The following MS4A13 variants were observed in gnomAD, a reference collection of about 807,000 sequenced individuals.
MS4A13 encodes membrane spanning 4-domains A13.
A neutral mutation model predicts 18.4 loss-of-function variants in MS4A13; 21 were observed. The ratio of observed to expected loss-of-function variants is 1.14; its 90% confidence interval spans 0.81 to 1.64. MS4A13 has a LOEUF of 1.64. MS4A13 is among the 40% of genes most tolerant of loss of function. The pLI, the probability that MS4A13 is intolerant of heterozygous loss-of-function variation, is 0.00. For missense variants in MS4A13, 173 were observed against 176.8 expected (o/e 0.98, Z 0.12); for synonymous variants, 62 against 57.2 (o/e 1.08, Z -0.38).
In MS4A13 at chr11:60,518,109, T is replaced by C; in HGVS notation, c.26T>C (p.Met9Thr). 6.2e-7 allele frequency: 1 copy of C among 1,605,538 alleles called. No homozygotes were observed. Among genetic ancestry groups the C allele is most frequent in the African/African-American group, 1.3e-5 (1 of 74,802 alleles). The change falls in exon 3 of 7, where the codon ATG becomes ACG. Residue 9 changes from methionine to threonine, a missense_variant. Coordinates refer to ENST00000378186, the MANE Select transcript of MS4A13 (RefSeq NM_001012417.3). Reference sequence around the variant, plus strand: ...ATGATTGGCATCTTTCACATTTTCATGTGGTACTTTCTATTGGTTTTGTAT... The same window carrying C: ...ATGATTGGCATCTTTCACATTTTCACGTGGTACTTTCTATTGGTTTTGTAT... MIGIFHIF[M>T]WYFLLVLYMG... is the part of the protein sequence containing the mutation.
At chr11:60,532,056 C>T (rs184350536) in intron 6 of MS4A13, among the ~76,000 whole-genome samples, 40 of 152,280 alleles carry the variant, frequency 2.6e-4, no homozygotes, top group Non-Finnish European at 5.1e-4. Context: ...ATAATAGTTA[C>T]CCATAGGGTT....
At chr11:60,518,034 T>C in intron 2 of MS4A13, 38 bp from the exon 3 acceptor site, 1 of 1,482,458 alleles carries the variant, frequency 6.7e-7, no homozygotes, top group South Asian at 1.3e-5. Context: ...TGTTTTAAAT[T>C]ACATTATTTC....
chr11:60,541,133 AG>A (rs138258042), intron 6 of MS4A13, among the ~76,000 whole-genome samples: 1 of 152,352 alleles, frequency 6.6e-6, no homozygotes, highest in East Asian at 1.9e-4. Flanking sequence ...CTGATAGCAA[AG>A]ATTGTAGATA....
At chr11:60,517,484 C>T (rs948232898) in intron 2 of MS4A13, among the ~76,000 whole-genome samples, 30 of 152,032 alleles carry the variant, frequency 2.0e-4, no homozygotes, top group African/African-American at 7.0e-4. Context: ...ATTCAAAATC[C>T]TTCCCCTTTC....
chr11:60,532,064 G>T (rs1234980279), intron 6 of MS4A13, among the ~76,000 whole-genome samples: 1 of 152,180 alleles, frequency 6.6e-6, no homozygotes, highest in Non-Finnish European at 1.5e-5. Context: ...TACCCATAGG[G>T]TTCAAAACAA....
At position 60,518,322 on chromosome 11, in the gene MS4A13, CT is replaced by C. The variant is rs566129943; in HGVS notation, c.129+111del. ...CAAGGTTTTCAGGAGAATTATGTAA[CT>C]AAATCCCATGTTGATAATTTATTCA... is the stretch of plus-strand genomic sequence containing the variant. On this transcript the variant is annotated intron_variant, in intron 3 of 6. Coordinates refer to ENST00000378186, the MANE Select transcript of MS4A13 (RefSeq NM_001012417.3). 1.7e-4 allele frequency: 137 copies of C among 803,742 alleles called. 3 individuals are homozygous for C. In the East Asian group the frequency reaches 3.6e-3, roughly 21 times the overall value. 49.8% of individuals were successfully genotyped at this position (803,742 alleles called of 1,614,324 possible). A position where few individuals can be genotyped will look rare whatever the true frequency, so the allele number is the denominator to read the frequency against.
chr11:60,521,845 A>G (rs2086675983), intron 3 of MS4A13, among the ~76,000 whole-genome samples: 1 of 152,160 alleles, frequency 6.6e-6, no homozygotes, highest in Non-Finnish European at 1.5e-5. Flanking sequence ...TATGCTGCTA[A>G]TAAAGACATA....
intron 6 of MS4A13, among the ~76,000 whole-genome samples, chr11:60,532,556 G>A (rs924309875): frequency 6.6e-6 from 1 of 152,188 alleles, no homozygotes; most frequent in South Asian, 2.1e-4. Context: ...TAGCACAGCA[G>A]TCTCAGATCA....
At chr11:60,542,117 GAAA>G (rs35678900) in intron 6 of MS4A13, among the ~76,000 whole-genome samples, 1 of 120,162 alleles carries the variant, frequency 8.3e-6, no homozygotes, top group African/African-American at 3.1e-5. Flanking sequence ...ACAAGACCTT[GAAA>G]AAAAAAAAAA....
At chr11:60,527,410 C>CTGTGTGTG (rs1224398821) in intron 5 of MS4A13, among the ~76,000 whole-genome samples, 288 of 28,798 alleles carry the variant, frequency 0.01, 13 homozygotes, top group South Asian at 0.018. Flanking sequence ...CTCTCTCTCT[C>CTGTGTGTG]TGTGTGTGTG....
chr11:60,521,798 C>T (rs916982152), intron 3 of MS4A13, among the ~76,000 whole-genome samples: 6 of 152,150 alleles, frequency 3.9e-5, no homozygotes, highest in African/African-American at 1.4e-4. Flanking sequence ...CAGCAGCACC[C>T]CACTCCTGGT....
chr11:60,519,902 C>A (rs2086662428), intron 3 of MS4A13, among the ~76,000 whole-genome samples: 1 of 152,068 alleles, frequency 6.6e-6, no homozygotes, highest in South Asian at 2.1e-4. Context: ...AGGGCATGAG[C>A]TAGAAAGATA....
chr11:60,527,358 TTCCGTC>T lies in MS4A13; in HGVS notation c.307-2004_307-1999del, dbSNP rs1347011401. On this transcript the variant is annotated intron_variant, in intron 5 of 6. Transcript: ENST00000378186. ...ACATCATCTGCCAGGAACTCATTCA[TTCCGTC>T]TCTCTCTCTCTCTCTCTCTCTCTCT... 1.2e-3 allele frequency among the ~76,000 whole-genome samples: 101 copies of T among 81,820 alleles called. 5 individuals carry two copies. Among genetic ancestry groups the T allele is most frequent in the South Asian group, 6.5e-3 (12 of 1,840 alleles). 53.7% of individuals were successfully genotyped at this position (81,820 alleles called of 152,430 possible).
At chr11:60,535,523 C>T (rs2086801993) in intron 6 of MS4A13, among the ~76,000 whole-genome samples, 1 of 128,294 alleles carries the variant, frequency 7.8e-6, no homozygotes, top group Non-Finnish European at 1.6e-5. Context: ...GAAATTGTGG[C>T]AATAATCAAT....
In MS4A13 at chr11:60,515,409, C is replaced by G. The variant is rs1217836441; in HGVS notation, c.-327C>G. On this transcript the variant is annotated 5_prime_UTR_variant, in exon 1 of 7. Coordinates refer to ENST00000378186, the MANE Select transcript of MS4A13 (RefSeq NM_001012417.3). ...TGCAGACCGTCACTCCCTGAGGAGC[C>G]TGAGAGCCGGCCGGGTGCTGGGCTC... 4 of 152,346 alleles carry G rather than the reference C, an allele frequency of 2.6e-5. No homozygotes were observed. The highest frequency in any genetic ancestry group is 9.6e-5 in the African/African-American group (4 of 41,480). 9.4% of individuals were successfully genotyped at this position (152,346 alleles called of 1,614,324 possible).
At chr11:60,516,499 G>C (rs1405214397) in intron 2 of MS4A13, among the ~76,000 whole-genome samples, 1 of 152,094 alleles carries the variant, frequency 6.6e-6, no homozygotes, top group Non-Finnish European at 1.5e-5. Context: ...ATTTCCACTC[G>C]TGAACTTTTC....
At chr11:60,522,725 T>A (rs755905557) in intron 3 of MS4A13, among the ~76,000 whole-genome samples, 1 of 152,166 alleles carries the variant, frequency 6.6e-6, no homozygotes, top group Non-Finnish European at 1.5e-5. Context: ...GATGAATGGC[T>A]CATAAATAAT....
intron 4 of MS4A13, 81 bp from the exon 5 acceptor site, chr11:60,525,126 T>G: frequency 1.0e-6 from 1 of 1,003,576 alleles, no homozygotes. Flanking sequence ...TTTAACTAGA[T>G]GAGTTTTTTC....
intron 6 of MS4A13, among the ~76,000 whole-genome samples, chr11:60,530,681 A>G (rs991874805): frequency 2.6e-5 from 4 of 152,204 alleles, no homozygotes; most frequent in East Asian, 3.9e-4. Flanking sequence ...GACTGTTCCC[A>G]CTCTTCCCAC....
Sources: gnomAD v4.1 joint callset for allele counts (sites outside exome capture counted in the v4.1 genomes callset) on GRCh38, gnomAD v4.1.1 for gene constraint, MANE v1.5 for transcripts, NCBI Gene and HGNC (gene_info 2026-07-23, HGNC 2026-07-21) for gene names.